The following NUDCD2 variants were observed in gnomAD, a reference collection of about 807,000 sequenced individuals.
NUDCD2 encodes nudC domain-containing protein 2.
In NUDCD2, 16 loss-of-function variants were observed where a neutral mutation model predicts 20.8. That is an observed-to-expected ratio of 0.77 (90% CI 0.52 to 1.17). The LOEUF is 1.17. Ranked by LOEUF, NUDCD2 falls within the 50% of genes most tolerant of loss-of-function variation. The probability of loss-of-function intolerance (pLI) is 0.00; values close to 1 mark genes in which losing one functional copy is unlikely to be tolerated. For missense variants in NUDCD2, 199 were observed against 193.9 expected (o/e 1.03, Z -0.16); for synonymous variants, 87 against 72.8 (o/e 1.20, Z -1.00).
At position 163,451,478 on chromosome 5, in the gene NUDCD2, C is replaced by T. The variant is rs963133365; in HGVS notation, c.*2489G>A. On this transcript the variant is annotated 3_prime_UTR_variant, in exon 4 of 4. Transcript: ENST00000302764. Reference sequence around the variant, plus strand: ...TGACTGTGGAGGTGTTTACACATATCTATACTTAAAATTCACCAAACCATA... The same window carrying T: ...TGACTGTGGAGGTGTTTACACATATTTATACTTAAAATTCACCAAACCATA... 2.0e-5 allele frequency: 3 copies of T among 152,100 alleles called. No homozygotes were observed. The highest frequency in any genetic ancestry group is 4.8e-5 in the African/African-American group (2 of 41,396). The allele number at this position is 152,100 out of a possible 1,614,324, so 9.4% of individuals were successfully genotyped here.
At chr5:163,459,305 A>G (rs1259173547) in intron 1 of NUDCD2, 1 of 152,234 alleles carries the variant, frequency 6.6e-6, no homozygotes, top group Non-Finnish European at 1.5e-5. Context: ...TAAAAGGAGT[A>G]CTACTTATTT....
In NUDCD2 at chr5:163,453,719, G is replaced by A. The variant is rs1758234987; in HGVS notation, c.*248C>T. 1.0e-5 allele frequency: 3 copies of A among 286,302 alleles called. No homozygotes were observed. Among genetic ancestry groups the A allele is most frequent in the Non-Finnish European group, 1.9e-5 (3 of 155,372 alleles). 17.7% of individuals were successfully genotyped at this position (286,302 alleles called of 1,614,324 possible). A position where few individuals can be genotyped will look rare whatever the true frequency, so the allele number is the denominator to read the frequency against. ...TGGTTAAATATGGAATTAGTAAAAT[G>A]CAGCATATAAAACTTCATGCTGAGC... On this transcript the variant is annotated 3_prime_UTR_variant, in exon 4 of 4. Transcript: ENST00000302764.
intron 3 of NUDCD2, among the ~76,000 whole-genome samples, chr5:163,455,102 T>C (rs887075618): frequency 2.6e-5 from 4 of 152,142 alleles, no homozygotes; most frequent in African/African-American, 9.6e-5. Flanking sequence ...GGGCTGTAGT[T>C]TGCCAACCGC....
chr5:163,456,187 T>C (rs1016131147), intron 3 of NUDCD2, among the ~76,000 whole-genome samples: 1 of 152,164 alleles, frequency 6.6e-6, no homozygotes, highest in Admixed American at 6.5e-5. Context: ...GCTAGAGATA[T>C]ACATCTGGAA....
In NUDCD2 at chr5:163,453,101, C is replaced by T. The variant is rs756062464; in HGVS notation, c.*866G>A. ...AGTAATCAGTAATGAGGAATCATGT[C>T]TTCAACTAAATCACAAATGGTTCAG... is the stretch of plus-strand genomic sequence containing the variant. On this transcript the variant is annotated 3_prime_UTR_variant, in exon 4 of 4. Coordinates refer to ENST00000302764, the MANE Select transcript of NUDCD2 (RefSeq NM_145266.6). 2 of 152,114 alleles carry T rather than the reference C, an allele frequency of 1.3e-5. No homozygotes were observed. Among genetic ancestry groups the T allele is most frequent in the African/African-American group, 2.4e-5 (1 of 41,430 alleles). 9.4% of individuals were successfully genotyped at this position (152,114 alleles called of 1,614,324 possible).
intron 3 of NUDCD2, among the ~76,000 whole-genome samples, chr5:163,454,753 T>TA (rs1336998633): frequency 6.6e-6 from 1 of 152,248 alleles, no homozygotes; most frequent in Non-Finnish European, 1.5e-5. Context: ...TGTCAGGCCT[T>TA]AGTCTTTTTG....
At position 163,450,972 on chromosome 5, in the gene NUDCD2, T is replaced by C. The variant is rs747905778; in HGVS notation, c.*2995A>G. 3 of 152,202 alleles carry C rather than the reference T, an allele frequency of 2.0e-5. No individual in the cohort carries two copies. Among genetic ancestry groups the C allele is most frequent in the Non-Finnish European group, 2.9e-5 (2 of 68,028 alleles). 9.4% of individuals were successfully genotyped at this position (152,202 alleles called of 1,614,324 possible). On this transcript the variant is annotated 3_prime_UTR_variant, in exon 4 of 4. Transcript: ENST00000302764. The stretch of plus-strand genomic sequence containing the variant: ...GTATTTTCAGACATACTAATGAATG[T>C]GCTGATACATGCTCGAATATAGATG...
At chr5:163,459,809 GC>G (rs943010145) in intron 1 of NUDCD2, 52 bp downstream of exon 1, 1 of 1,499,500 alleles carries the variant, frequency 6.7e-7, no homozygotes, top group Non-Finnish European at 9.0e-7. Flanking sequence ...GGGAAACGGG[GC>G]TGGGGGCGTC....
At position 163,455,154 on chromosome 5, in the gene NUDCD2, A is replaced by T. The variant is rs1304573786; in HGVS notation, c.391-1104T>A. ...GTTGGTAAGTGACACAGAAAAAAAA[A>T]AAAAACAGGATAAGGGAAATAAAAT... On this transcript the variant is annotated intron_variant, in intron 3 of 3. Transcript: ENST00000302764. 4.6e-5 allele frequency among the ~76,000 whole-genome samples: 7 copies of T among 152,206 alleles called. No individual in the cohort carries two copies. In the East Asian group the frequency reaches 1.3e-3, roughly 29 times the overall value.
In NUDCD2 at chr5:163,447,535, C is replaced by A. The variant is rs1210971899; in HGVS notation, c.*6432G>T. On this transcript the variant is annotated 3_prime_UTR_variant, in exon 4 of 4. Coordinates refer to ENST00000302764, the MANE Select transcript of NUDCD2 (RefSeq NM_145266.6). ...ATTTACAGTTGGAAACTTAAACATT[C>A]CTCTCTCAGTAGTCCATAGAATTAA... 6.6e-6 allele frequency: 1 copy of A among 151,086 alleles called. No homozygotes were observed. The highest frequency in any genetic ancestry group is 1.5e-5 in the Non-Finnish European group (1 of 67,906). The allele number at this position is 151,086 out of a possible 1,614,324, so 9.4% of individuals were successfully genotyped here.
rs1187926228 is a variant in NUDCD2 at position 163,452,099 on chromosome 5, C to T, written c.*1868G>A. The T allele has an allele frequency of 1.3e-5, 2 of 151,388 alleles. No homozygotes were observed. The highest frequency in any genetic ancestry group is 4.9e-5 in the African/African-American group (2 of 41,218). The allele number at this position is 151,388 out of a possible 1,614,324, so 9.4% of individuals were successfully genotyped here. A position where few individuals can be genotyped will look rare whatever the true frequency, so the allele number is the denominator to read the frequency against. ...ATAATCAAATAGGAATCAGGTTTCT[C>T]ACTGGTACTGAAAACGGTTATAAAT... On this transcript the variant is annotated 3_prime_UTR_variant, in exon 4 of 4. Transcript: ENST00000302764.
chr5:163,454,303 G>T (rs1358655466), intron 3 of NUDCD2, among the ~76,000 whole-genome samples: 1 of 152,016 alleles, frequency 6.6e-6, no homozygotes, highest in Non-Finnish European at 1.5e-5. Flanking sequence ...TTCAATAAAA[G>T]TCTGTAGTTA....
At position 163,451,133 on chromosome 5, in the gene NUDCD2, A is replaced by G. The variant is rs1758165975; in HGVS notation, c.*2834T>C. 6.6e-6 allele frequency: 1 copy of G among 152,220 alleles called. No homozygotes were observed. The highest frequency in any genetic ancestry group is 6.5e-5 in the Admixed American group (1 of 15,274). The allele number at this position is 152,220 out of a possible 1,614,324, so 9.4% of individuals were successfully genotyped here. The stretch of plus-strand genomic sequence containing the variant: ...AGTATGGATGGCGGGGGATGACAGG[A>G]GAAGGATAAAAGCTAAACTATACAA... On this transcript the variant is annotated 3_prime_UTR_variant, in exon 4 of 4. Coordinates refer to ENST00000302764, the MANE Select transcript of NUDCD2 (RefSeq NM_145266.6).
chr5:163,457,431 C>A, intron 2 of NUDCD2, 131 bp downstream of exon 2: 2 of 646,824 alleles, frequency 3.1e-6, no homozygotes, highest in Non-Finnish European at 5.5e-6. Flanking sequence ...CTTTGACATA[C>A]AACGGTTTTC....
rs1758167844 is a variant in NUDCD2, at chr5:163,451,225, A to G, written c.*2742T>C. 6.6e-6 allele frequency: 1 copy of G among 152,226 alleles called. No homozygotes were observed. 9.4% of individuals were successfully genotyped at this position (152,226 alleles called of 1,614,324 possible). ...TTGGAATGGTTGCATTTATCTGTGT[A>G]TATACTAAAAGCTACTGAATTACAC... On this transcript the variant is annotated 3_prime_UTR_variant, in exon 4 of 4. Transcript: ENST00000302764.
Position 163,448,470 on chromosome 5 carries a change from T to C in NUDCD2, c.*5497A>G, listed in dbSNP as rs1758098846. 1 of 152,108 alleles carries C rather than the reference T, an allele frequency of 6.6e-6. No homozygotes were observed. The highest frequency in any genetic ancestry group is 1.5e-5 in the Non-Finnish European group (1 of 68,014). 9.4% of individuals were successfully genotyped at this position (152,108 alleles called of 1,614,324 possible). A position where few individuals can be genotyped will look rare whatever the true frequency, so the allele number is the denominator to read the frequency against. ...AACCAATTCCTTGAAAGGCATACAGTACCCAAACTTAAATAAACCTCAATA... is the reference window on the plus strand; with the variant it reads ...AACCAATTCCTTGAAAGGCATACAGCACCCAAACTTAAATAAACCTCAATA... On this transcript the variant is annotated 3_prime_UTR_variant, in exon 4 of 4. Coordinates refer to ENST00000302764, the MANE Select transcript of NUDCD2 (RefSeq NM_145266.6).
At chr5:163,458,478 C>A (rs1272064519) in intron 1 of NUDCD2, among the ~76,000 whole-genome samples, 1 of 152,044 alleles carries the variant, frequency 6.6e-6, no homozygotes, top group East Asian at 1.9e-4. Context: ...GGCCTGTAAT[C>A]CCAGGACTTT....
At chr5:163,457,519 A>T in intron 2 of NUDCD2, 43 bp downstream of exon 2, 4 of 1,154,292 alleles carry the variant, frequency 3.5e-6, no homozygotes, top group Non-Finnish European at 5.2e-6. Context: ...AGATATCAAG[A>T]CAAAATTATT....
rs1183810803 is a variant in NUDCD2, at chr5:163,448,405, G to A, written c.*5562C>T. On this transcript the variant is annotated 3_prime_UTR_variant, in exon 4 of 4. Transcript: ENST00000302764. Reference sequence around the variant, plus strand: ...TAGATCCTCATTAGAACGACACAAAGAAAATACCATGAACAACTCTATGCA... The same window carrying A: ...TAGATCCTCATTAGAACGACACAAAAAAAATACCATGAACAACTCTATGCA... The A allele has an allele frequency of 6.6e-6, 1 of 151,980 alleles. No individual in the cohort carries two copies. Among genetic ancestry groups the A allele is most frequent in the Non-Finnish European group, 1.5e-5 (1 of 67,988 alleles). The allele number at this position is 151,980 out of a possible 1,614,324, so 9.4% of individuals were successfully genotyped here.
Sources: allele counts gnomAD v4.1 joint callset (sites outside exome capture counted in the v4.1 genomes callset), GRCh38; gene constraint gnomAD v4.1.1; transcripts MANE v1.5; gene names NCBI Gene and HGNC (gene_info 2026-07-23, HGNC 2026-07-21).